EML3: variants seen among roughly 807,000 people sequenced by gnomAD.
EML3 encodes the protein EMAP like 3.
EML3 carries 53 observed loss-of-function variants against 106.7 expected under a neutral mutation model. That is an observed-to-expected ratio of 0.50 (90% CI 0.40 to 0.62). EML3 has a LOEUF of 0.62. EML3 is among the 20% of genes least tolerant of loss of function. The pLI, the probability that EML3 is intolerant of heterozygous loss-of-function variation, is 0.00. For synonymous variants in EML3, 499 were observed against 489.6 expected, an observed-to-expected ratio of 1.02 and a Z score of -0.25; for missense variants, 994 against 1,209.1, an observed-to-expected ratio of 0.82 and a Z score of 2.64.
chr11:62,609,491 G>A lies in EML3; in HGVS notation c.635-14C>T, dbSNP rs1942702963. Reference sequence around the variant, plus strand: ...CTGAGATGCCTTCTACAGAGAAAAGGGGTGGTGTCAACTACCCCCTTCCAG... The same window carrying A: ...CTGAGATGCCTTCTACAGAGAAAAGAGGTGGTGTCAACTACCCCCTTCCAG... On this transcript the variant is annotated splice_polypyrimidine_tract_variant and intron_variant, in intron 5 of 21. Transcript: ENST00000394773. The A allele has an allele frequency of 6.4e-7, 1 of 1,553,646 alleles. No individual in the cohort carries two copies. Among genetic ancestry groups the A allele is most frequent in the African/African-American group, 1.4e-5 (1 of 73,168 alleles).
At chr11:62,603,651 C>T (rs1337910865) in intron 19 of EML3, 78 bp downstream of exon 19, 1 of 1,252,132 alleles carries the variant, frequency 8.0e-7, no homozygotes, top group African/African-American at 1.5e-5. Context: ...CCTTATCTAA[C>T]AACACCTCTA....
chr11:62,610,307 G>C (rs1244824446), intron 4 of EML3, among the ~76,000 whole-genome samples: 3 of 152,162 alleles, frequency 2.0e-5, no homozygotes, highest in African/African-American at 4.8e-5. Flanking sequence ...CCAAGGACAG[G>C]GCTAGAATGA....
Position 62,604,033 on chromosome 11 carries a change from A to G in EML3, c.2080T>C (p.Tyr694His). The change falls in exon 18 of 22, where the codon TAC (tyrosine) becomes CAC (histidine). Residue 694 changes from tyrosine to histidine, a missense_variant. Tyr to His is a moderately conservative substitution (Grantham distance 83). This residue lies in a region of EML3 where 713 missense variants were observed against 920.5 expected (regional missense o/e 0.77). Coordinates refer to ENST00000394773, the MANE Select transcript of EML3 (RefSeq NM_153265.3). ...SVVRYSPDGL[Y>H]LAIGSHDNVI... ...TTGTCATGGGAACCAATGGCCAGGT[A>G]CAACCCATCTGCAAATACAGTCACT... 6.2e-7 allele frequency: 1 copy of G among 1,614,188 alleles called. No homozygotes were observed. Among genetic ancestry groups the G allele is most frequent in the East Asian group, 2.2e-5 (1 of 44,878 alleles).
chr11:62,603,158 GAA>G lies in EML3; in HGVS notation c.2345_2346del (p.Phe782SerfsTer173). The G allele has an allele frequency of 6.2e-7, 1 of 1,614,060 alleles. No homozygotes were observed. Among genetic ancestry groups the G allele is most frequent in the Non-Finnish European group, 8.5e-7 (1 of 1,180,016 alleles). Reference protein sequence around the residue: ...EWATYTCVLGFHVYGVWPDGS... With the variant: ...EWATYTCVLGXHVYGVWPDGS... ...CCACGCCCCTGCTCACCGTAGACGT[GAA>G]AGCCCAGCACACAGGTGTAGGTAGC... On this transcript the variant is annotated frameshift_variant, in exon 20 of 22. Transcript: ENST00000394773. LOFTEE classifies it high-confidence loss of function.
In EML3 at chr11:62,605,755, A is replaced by G. The variant is rs1387813509; in HGVS notation, c.1801T>C (p.Trp601Arg). The G allele has an allele frequency of 1.3e-6, 2 of 1,595,540 alleles. No homozygotes were observed. The highest frequency in any genetic ancestry group is 1.7e-6 in the Non-Finnish European group (2 of 1,169,474). The change falls in exon 15 of 22, where the codon TGG (tryptophan) becomes CGG (arginine). Residue 601 changes from tryptophan to arginine, a missense_variant. Physicochemically the swap from Trp to Arg is moderately radical, Grantham distance 101. Transcript: ENST00000394773. This position sits in a 1 kb window ranked among gnomAD's most constrained non-coding sequence, Gnocchi z 5.2. ...PVIQGHTDELWGLCTHPSQNR... is the reference protein window; with the variant it reads ...PVIQGHTDELRGLCTHPSQNR... ...TGGGAGGGGTGTGTGCAGAGCCCCC[A>G]GAGCTCATCAGTGTGGCCCTGCAGC...
rs758664250 is a variant in EML3, at chr11:62,607,430, G to A, written c.1362+236C>T. 212 of 479,284 alleles carry A rather than the reference G, an allele frequency of 4.4e-4. 1 individual carries two copies. The Middle Eastern group carries it at 4.6e-3, about 10-fold the overall frequency. 29.7% of individuals were successfully genotyped at this position (479,284 alleles called of 1,614,324 possible). ...GCGCATCTGTAATCCCAGCTACTCCGGGAGGCTGAGGCAGGAGAATTGCTC... is the reference window on the plus strand; with the variant it reads ...GCGCATCTGTAATCCCAGCTACTCCAGGAGGCTGAGGCAGGAGAATTGCTC... On this transcript the variant is annotated intron_variant, in intron 11 of 21. Coordinates refer to ENST00000394773, the MANE Select transcript of EML3 (RefSeq NM_153265.3).
rs777642162 is a variant in EML3, at chr11:62,604,111, A to C, written c.2071+2T>G. On this transcript the variant is annotated splice_donor_variant, in intron 17 of 21. Coordinates refer to ENST00000394773, the MANE Select transcript of EML3 (RefSeq NM_153265.3). LOFTEE classifies it high-confidence loss of function. ...TGAGTCCAGGGTTGGGGTGGCTCCC[A>C]CCTGGGCTGTACCGGACCACTGAGA... 12 of 1,613,796 alleles carry C rather than the reference A, an allele frequency of 7.4e-6. No individual in the cohort carries two copies. Among genetic ancestry groups the C allele is most frequent in the Non-Finnish European group, 1.0e-5 (12 of 1,179,934 alleles).
Position 62,604,127 on chromosome 11 carries a change from A to G in EML3, c.2057T>C (p.Val686Ala). ...GTGGCTCCCACCTGGGCTGTACCGG[A>G]CCACTGAGAGCTGCTCATTGCCATC... ...VIDGNEQLSV[V>A]RYSPDGLYLA... The change falls in exon 17 of 22, where the codon GTC (valine) becomes GCC (alanine). Residue 686 changes from valine to alanine, a missense_variant. Val to Ala is a moderately conservative substitution (Grantham distance 64). Coordinates refer to ENST00000394773, the MANE Select transcript of EML3 (RefSeq NM_153265.3). The G allele has an allele frequency of 6.2e-7, 1 of 1,614,010 alleles. No homozygotes were observed. Among genetic ancestry groups the G allele is most frequent in the Non-Finnish European group, 8.5e-7 (1 of 1,180,004 alleles).
chr11:62,604,833 T>G (rs1057424964), intron 16 of EML3: 2 of 278,146 alleles, frequency 7.2e-6, no homozygotes, highest in Admixed American at 4.9e-5. Flanking sequence ...TCCCTGTGTT[T>G]GTCTATGCCC....
At chr11:62,604,787 C>A in intron 16 of EML3, 1 of 223,278 alleles carries the variant, frequency 4.5e-6, no homozygotes, top group Non-Finnish European at 9.0e-6. Flanking sequence ...CAGGGGCCGA[C>A]TACAAAGGCA....
intron 12 of EML3, among the ~76,000 whole-genome samples, chr11:62,606,718 G>C (rs775415012): frequency 2.6e-5 from 4 of 152,194 alleles, no homozygotes; most frequent in African/African-American, 4.8e-5. Context: ...TTAGCTGGGC[G>C]TGGTGGCGTG....
chr11:62,610,933 G>C lies in EML3; in HGVS notation c.512C>G (p.Ser171Cys), dbSNP rs200686766. 2.2e-5 allele frequency: 36 copies of C among 1,613,438 alleles called. 1 individual carries two copies. In the African/African-American group the frequency reaches 3.3e-4, roughly 15 times the overall value. Residue 171 changes from serine to cysteine, a missense_variant, in exon 4 of 22, where the codon TCC (serine) becomes TGC (cysteine). Ser to Cys is a moderately radical substitution (Grantham distance 112). Transcript: ENST00000394773. The stretch of plus-strand genomic sequence containing the variant: ...GTTGGCGGAGGAGATTGCCTTCCTG[G>C]AGAGCTTCTGCCGAGGCCGCTCTGA... ...SPSERPRQKL[S>C]RKAISSANLL...
chr11:62,606,845 A>G, intron 12 of EML3, 113 bp downstream of exon 12: 2 of 1,227,860 alleles, frequency 1.6e-6, no homozygotes, highest in Non-Finnish European at 2.2e-6. Context: ...CAACAGAGTA[A>G]GACCTCATCT....
rs762187371 is a variant in EML3 at position 62,611,429 on chromosome 11, C to T, written c.190G>A (p.Asp64Asn). 12 of 1,613,598 alleles carry T rather than the reference C, an allele frequency of 7.4e-6. No individual in the cohort carries two copies. The Admixed American group carries it at 1.2e-4, about 16-fold the overall frequency. The stretch of plus-strand genomic sequence containing the variant: ...GGGGTGTGATGACATGCATACCTGT[C>T]CCCCGGAGGAGCTGGTGTGCCAGAG... Reference protein sequence around the residue: ...QGSGTPAPPGDSLAAPPGLPP... With the variant: ...QGSGTPAPPGNSLAAPPGLPP... The change falls in exon 2 of 22, where the codon GAC becomes AAC. Residue 64 changes from aspartate (D) to asparagine (N), a missense_variant. Asp to Asn is a conservative substitution (Grantham distance 23). Around this residue, in one of 3 missense-constraint regions of EML3, gnomAD observed 269 missense variants for 265.1 expected, o/e 1.01. Coordinates refer to ENST00000394773, the MANE Select transcript of EML3 (RefSeq NM_153265.3).
chr11:62,605,684 C>T lies in EML3; in HGVS notation c.1872G>A (p.Trp624Ter). The change falls in exon 15 of 22, where the codon TGG becomes TGA. Residue 624 changes from tryptophan (W) to a stop codon, truncating the protein, a stop_gained. Coordinates refer to ENST00000394773, the MANE Select transcript of EML3 (RefSeq NM_153265.3). LOFTEE classifies it high-confidence loss of function. This position sits in a 1 kb window ranked among gnomAD's most constrained non-coding sequence, Gnocchi z 5.2. Reference sequence around the variant, plus strand: ...AGGCCAGTGCATGGCTCTCCCCATCCCACAGGCAGAGCTGCCGGTCGTGGC... The same window carrying T: ...AGGCCAGTGCATGGCTCTCCCCATCTCACAGGCAGAGCTGCCGGTCGTGGC... The part of the protein sequence containing the change: ...TCGHDRQLCL[W>*]DGESHALAWS... 6.3e-7 allele frequency: 1 copy of T among 1,593,456 alleles called. No homozygotes were observed. The highest frequency in any genetic ancestry group is 8.6e-7 in the Non-Finnish European group (1 of 1,169,332).
rs907659585 is a variant in EML3 at position 62,612,491 on chromosome 11, G to A, written c.-34C>T. ...CGGGTTGCTCCGAGCGGCGGCGGCG[G>A]AGGAGGCGTCTAAGCCGCGGGGGCC... On this transcript the variant is annotated 5_prime_UTR_variant, in exon 1 of 22. Transcript: ENST00000394773. The A allele has an allele frequency of 2.1e-6, 3 of 1,399,918 alleles. No individual in the cohort carries two copies. Among genetic ancestry groups the A allele is most frequent in the South Asian group, 1.5e-5 (1 of 64,664 alleles). 86.7% of individuals were successfully genotyped at this position (1,399,918 alleles called of 1,614,324 possible).
chr11:62,610,779 A>G, intron 4 of EML3, 100 bp downstream of exon 4: 7 of 1,058,380 alleles, frequency 6.6e-6, no homozygotes, highest in Non-Finnish European at 9.7e-6. Context: ...CTGTTGGGCA[A>G]TCAGGTCCCC....
chr11:62,602,623 G>T lies in EML3; in HGVS notation c.2543C>A (p.Thr848Lys). The change falls in exon 22 of 22, where the codon ACG (threonine) becomes AAG (lysine). Residue 848 changes from threonine (T) to lysine (K), a missense_variant. Thr to Lys is a moderately conservative substitution (Grantham distance 78). This residue lies in a region of EML3 where 713 missense variants were observed against 920.5 expected (regional missense o/e 0.77). Coordinates refer to ENST00000394773, the MANE Select transcript of EML3 (RefSeq NM_153265.3). ...CGAGACGAGGTGCGAGTCGTCGTGCGTGAATCGGACGCTGGTCACGTGGCT... is the reference window on the plus strand; with the variant it reads ...CGAGACGAGGTGCGAGTCGTCGTGCTTGAATCGGACGCTGGTCACGTGGCT... ...HGSHVTSVRFTHDDSHLVSLG... is the reference protein window; with the variant it reads ...HGSHVTSVRFKHDDSHLVSLG... The T allele has an allele frequency of 6.3e-7, 1 of 1,583,246 alleles. No homozygotes were observed. Among genetic ancestry groups the T allele is most frequent in the Non-Finnish European group, 8.6e-7 (1 of 1,168,112 alleles).
Position 62,602,969 on chromosome 11 carries a change from G to A in EML3, c.2357-80C>T, listed in dbSNP as rs562907285. On this transcript the variant is annotated intron_variant, in intron 20 of 21. Coordinates refer to ENST00000394773, the MANE Select transcript of EML3 (RefSeq NM_153265.3). ...AGAGCTACACCATTTCAGGCGCTCCGGCAGCCGCGGCCACCCACTGCCGCG... is the reference window on the plus strand; with the variant it reads ...AGAGCTACACCATTTCAGGCGCTCCAGCAGCCGCGGCCACCCACTGCCGCG... 4.0e-4 allele frequency: 590 copies of A among 1,469,798 alleles called. 10 individuals are homozygous for A. In the South Asian group the frequency reaches 7.8e-3, roughly 19 times the overall value. 91.0% of individuals were successfully genotyped at this position (1,469,798 alleles called of 1,614,324 possible).
Sources: gnomAD v4.1 joint callset for allele counts (sites outside exome capture counted in the v4.1 genomes callset) on GRCh38, gnomAD v4.1.1 for gene constraint, gnomAD v4.1.1 regional missense constraint, Gnocchi (gnomAD v3.1) non-coding constraint, MANE v1.5 for transcripts, NCBI Gene and HGNC (gene_info 2026-07-23, HGNC 2026-07-21) for gene names.